FIGNL2: variants seen among roughly 807,000 people sequenced by gnomAD.
FIGNL2 encodes fidgetin like 2, also known as fidgetin-like protein 2.
For synonymous variants in FIGNL2, 565 were observed against 484.0 expected (o/e 1.17, Z -2.20); for missense variants, 1,060 against 950.2 (o/e 1.12, Z -1.52).
chr12:51,836,951 C>A (rs1939588027), intron 1 of FIGNL2, among the ~76,000 whole-genome samples: 1 of 152,152 alleles, frequency 6.6e-6, no homozygotes, highest in African/African-American at 2.4e-5. Flanking sequence ...AACCCCCCTC[C>A]TGTGGTCTCT....
chr12:51,821,875 G>T lies in FIGNL2; in HGVS notation c.539C>A (p.Pro180His). 2 of 1,321,428 alleles carry T rather than the reference G, an allele frequency of 1.5e-6. No homozygotes were observed. The highest frequency in any genetic ancestry group is 1.9e-6 in the Non-Finnish European group (2 of 1,038,840). 81.9% of individuals were successfully genotyped at this position (1,321,428 alleles called of 1,614,324 possible). ...GYCAQTGAAL[P>H]PPPPAALLQP... ...CAGGAGCGCGGCCGGGGGCGGCGGG[G>T]GCAGCGCGGCGCCCGTCTGCGCGCA... The change falls in exon 2 of 2, where the codon CCC (proline) becomes CAC (histidine). Residue 180 changes from proline (P) to histidine (H), a missense_variant. Pro to His is a moderately conservative substitution (Grantham distance 77, BLOSUM62 -2). Transcript: ENST00000618634.
In FIGNL2 at chr12:51,820,332, C is replaced by T; in HGVS notation, c.*120G>A. 1 of 1,330,200 alleles carries T rather than the reference C, an allele frequency of 7.5e-7. No homozygotes were observed. The highest frequency in any genetic ancestry group is 1.0e-6 in the Non-Finnish European group (1 of 998,554). 82.4% of individuals were successfully genotyped at this position (1,330,200 alleles called of 1,614,324 possible). On this transcript the variant is annotated 3_prime_UTR_variant, in exon 2 of 2. Transcript: ENST00000618634. Reference sequence around the variant, plus strand: ...ATATCCACCGGCAGACCCCTCCTGTCCCCGATCCCACATTCACCACTCCAG... The same window carrying T: ...ATATCCACCGGCAGACCCCTCCTGTTCCCGATCCCACATTCACCACTCCAG...
At position 51,821,158 on chromosome 12, in the gene FIGNL2, G is replaced by A. The variant is rs1455468800; in HGVS notation, c.1256C>T (p.Pro419Leu). The change falls in exon 2 of 2, where the codon CCG becomes CTG. Residue 419 changes from proline (P) to leucine (L), a missense_variant. Coordinates refer to ENST00000618634, the MANE Select transcript of FIGNL2 (RefSeq NM_001384995.1). ...GGTCCGCGGCGGGCGCAGGCTGCCCGGGTAGGCGGGCGGCCTGAGCAGGGG... is the reference window on the plus strand; with the variant it reads ...GGTCCGCGGCGGGCGCAGGCTGCCCAGGTAGGCGGGCGGCCTGAGCAGGGG... The part of the protein sequence containing the change: ...VWPLLRPPAY[P>L]GSLRPPRTVL... 2.0e-6 allele frequency: 3 copies of A among 1,476,688 alleles called. No individual in the cohort carries two copies. The highest frequency in any genetic ancestry group is 1.3e-5 in the South Asian group (1 of 77,386). 91.5% of individuals were successfully genotyped at this position (1,476,688 alleles called of 1,614,324 possible). A position where few individuals can be genotyped will look rare whatever the true frequency, so the allele number is the denominator to read the frequency against.
intron 1 of FIGNL2, among the ~76,000 whole-genome samples, chr12:51,834,943 G>A (rs1939555830): frequency 6.6e-6 from 1 of 152,232 alleles, no homozygotes; most frequent in Admixed American, 6.5e-5. Context: ...GGAGACTCAA[G>A]TGTGGAAAGA....
rs1308312777 is a variant in FIGNL2, at chr12:51,821,683, G to A, written c.731C>T (p.Pro244Leu). ...GAAGCCATAGGCGGTGGGCGGTGCC[G>A]GCGCGGGCAGGGGCGTGGGCGCGGG... ...GLPAPTPLPAPAPPTAYGFPT... is the reference protein window; with the variant it reads ...GLPAPTPLPALAPPTAYGFPT... Residue 244 changes from proline (P) to leucine (L), a missense_variant, in exon 2 of 2, where the codon CCG becomes CTG. By Grantham distance (98) the Pro-to-Leu change is moderately conservative (BLOSUM62 -3). Coordinates refer to ENST00000618634, the MANE Select transcript of FIGNL2 (RefSeq NM_001384995.1). 4 of 1,385,312 alleles carry A rather than the reference G, an allele frequency of 2.9e-6. No individual in the cohort carries two copies. The South Asian group carries it at 4.8e-5, about 17-fold the overall frequency. The allele number at this position is 1,385,312 out of a possible 1,614,324, so 85.8% of individuals were successfully genotyped here.
chr12:51,822,500 G>C, intron 1 of FIGNL2, 76 bp from the exon 2 acceptor site: 7 of 1,546,758 alleles, frequency 4.5e-6, no homozygotes, highest in Admixed American at 1.8e-5. Context: ...CCATAGGCCA[G>C]TCCGCCTAGA....
Position 51,834,044 on chromosome 12 carries a change from A to G in FIGNL2, c.-11-11620T>C, listed in dbSNP as rs867628097. Among the ~76,000 whole-genome samples, 591 of 73,716 alleles carry G rather than the reference A, an allele frequency of 8.0e-3. 11 individuals are homozygous for G. Among genetic ancestry groups the G allele is most frequent in the African/African-American group, 0.018 (547 of 29,736 alleles). The allele number at this position is 73,716 out of a possible 152,430, so 48.4% of individuals were successfully genotyped here. A position where few individuals can be genotyped will look rare whatever the true frequency, so the allele number is the denominator to read the frequency against. ...GGATGGATGGATGGATGGATGGATGAATGGACAGATGGACAGATGGACAGA... is the reference window on the plus strand; with the variant it reads ...GGATGGATGGATGGATGGATGGATGGATGGACAGATGGACAGATGGACAGA... On this transcript the variant is annotated intron_variant, in intron 1 of 1. Transcript: ENST00000618634.
intron 1 of FIGNL2, among the ~76,000 whole-genome samples, chr12:51,842,415 A>T (rs887351637): frequency 6.6e-5 from 10 of 152,170 alleles, no homozygotes; most frequent in Admixed American, 2.0e-4. Flanking sequence ...CCTTTGCTCC[A>T]GCAGAAGGCA....
intron 1 of FIGNL2, among the ~76,000 whole-genome samples, chr12:51,827,563 G>A (rs539579801): frequency 2.6e-4 from 39 of 152,288 alleles, no homozygotes; most frequent in African/African-American, 7.5e-4. Context: ...CGTATGTCAT[G>A]TTGAGTGGCA....
At chr12:51,841,719 G>A (rs1939665089) in intron 1 of FIGNL2, 1 of 152,368 alleles carries the variant, frequency 6.6e-6, no homozygotes, top group Admixed American at 6.5e-5. Flanking sequence ...ACAGGACTCT[G>A]GTTAGGGTCT....
chr12:51,821,796 G>T lies in FIGNL2; in HGVS notation c.618C>A (p.Pro206=), dbSNP rs1362847707. The change falls in exon 2 of 2, where the codon CCC becomes CCA. Residue 206 remains proline (P), a synonymous_variant. Transcript: ENST00000618634. ...CGGGCTGCGCTGCGTAGCCCCCTGC[G>T]GGATAGTTGTACAGCGGCGCTGAGG... is the stretch of plus-strand genomic sequence containing the variant. ...YGPSAPLYNY[P]AGGYAAQPGY... 1.6e-6 allele frequency: 2 copies of T among 1,275,500 alleles called. No homozygotes were observed. Among genetic ancestry groups the T allele is most frequent in the Non-Finnish European group, 2.0e-6 (2 of 1,016,454 alleles). 79.0% of individuals were successfully genotyped at this position (1,275,500 alleles called of 1,614,324 possible).
chr12:51,847,864 G>A (rs1382588127), intron 1 of FIGNL2: 1 of 979,852 alleles, frequency 1.0e-6, no homozygotes, highest in African/African-American at 1.8e-5. Context: ...GGCGCTCCGG[G>A]GGTCCCCCTT....
At chr12:51,823,137 A>G (rs1939262694) in intron 1 of FIGNL2, among the ~76,000 whole-genome samples, 1 of 152,244 alleles carries the variant, frequency 6.6e-6, no homozygotes, top group Non-Finnish European at 1.5e-5. Context: ...GAGCACCTGG[A>G]TTCCAGACCC....
intron 1 of FIGNL2, among the ~76,000 whole-genome samples, chr12:51,831,573 C>T (rs574637619): frequency 2.0e-5 from 3 of 152,308 alleles, no homozygotes; most frequent in East Asian, 1.9e-4. Flanking sequence ...GGGAGCACAC[C>T]CCTGAGCGGG....
intron 1 of FIGNL2, among the ~76,000 whole-genome samples, chr12:51,837,133 G>A (rs1450475234): frequency 6.6e-6 from 1 of 152,108 alleles, no homozygotes; most frequent in Non-Finnish European, 1.5e-5. Context: ...TGCCTCTCAG[G>A]GGGAAGCTCA....
intron 1 of FIGNL2, chr12:51,825,918 C>T (rs1055316092): frequency 6.6e-6 from 1 of 152,304 alleles, no homozygotes; most frequent in African/African-American, 2.4e-5. Flanking sequence ...GCCCGGCCGA[C>T]ACTCTTATCT....
Position 51,847,747 on chromosome 12 carries a change from A to G in FIGNL2, c.-12+793T>C, listed in dbSNP as rs917277525. ...CCTACAGGGTGCTCAGCAATCTGCG[A>G]AGGACCCTCTGCAGCGGCGGGGGGG... is the stretch of plus-strand genomic sequence containing the variant. On this transcript the variant is annotated intron_variant, in intron 1 of 1. Transcript: ENST00000618634. 24 of 985,292 alleles carry G rather than the reference A, an allele frequency of 2.4e-5. No individual in the cohort carries two copies. The South Asian group carries it at 3.8e-4, about 15-fold the overall frequency. 61.0% of individuals were successfully genotyped at this position (985,292 alleles called of 1,614,324 possible). A position where few individuals can be genotyped will look rare whatever the true frequency, so the allele number is the denominator to read the frequency against.
rs189075046 is a variant in FIGNL2 at position 51,820,424 on chromosome 12, C to A, written c.*28G>T. The stretch of plus-strand genomic sequence containing the variant: ...GGAGGCGGCGGGGACGGAGGGACTG[C>A]GGCTCCCGCGGCCTCCCCCGCGCGC... On this transcript the variant is annotated 3_prime_UTR_variant, in exon 2 of 2. Coordinates refer to ENST00000618634, the MANE Select transcript of FIGNL2 (RefSeq NM_001384995.1). 6.9e-3 allele frequency: 10,893 copies of A among 1,570,692 alleles called. 62 individuals carry two copies. Among genetic ancestry groups the A allele is most frequent in the Non-Finnish European group, 8.4e-3 (9,845 of 1,166,702 alleles).
chr12:51,847,765 C>A, intron 1 of FIGNL2: 1 of 985,322 alleles, frequency 1.0e-6, no homozygotes, highest in Non-Finnish European at 1.2e-6. Context: ...TCTGCAGCGG[C>A]GGGGGGGTTG....
Sources: gnomAD v4.1 joint callset for allele counts (sites outside exome capture counted in the v4.1 genomes callset) on GRCh38, gnomAD v4.1.1 for gene constraint, MANE v1.5 for transcripts, NCBI Gene and HGNC (gene_info 2026-07-23, HGNC 2026-07-21) for gene names.